DSG1: variants seen among roughly 807,000 people sequenced by gnomAD.
DSG1 encodes desmoglein 1, also known as desmoglein-1.
In DSG1, 39 loss-of-function variants were observed where a neutral mutation model predicts 97.5. The observed-to-expected ratio is 0.40, with a 90% CI of 0.31 to 0.52. The LOEUF is 0.52. Ranked by LOEUF, DSG1 falls within the 20% of genes least tolerant of loss-of-function variation. The pLI, the probability that DSG1 is intolerant of heterozygous loss-of-function variation, is 0.53. For missense variants in DSG1, 1,311 were observed against 1,295.4 expected (o/e 1.01, Z -0.18); for synonymous variants, 475 against 443.4 (o/e 1.07, Z -0.90).
At chr18:31,330,546 C>T (rs2071714091) in intron 5 of DSG1, among the ~76,000 whole-genome samples, 1 of 152,076 alleles carries the variant, frequency 6.6e-6, no homozygotes, top group Non-Finnish European at 1.5e-5. Flanking sequence ...AAATACTGTA[C>T]CTATACTTTC....
intron 3 of DSG1, 123 bp downstream of exon 3, chr18:31,327,128 A>G (rs2071690648): frequency 7.8e-7 from 1 of 1,283,446 alleles, no homozygotes; most frequent in Non-Finnish European, 1.1e-6. Flanking sequence ...ACAGAACTAT[A>G]GTCACCTAGA....
chr18:31,333,831 C>G, intron 7 of DSG1, 108 bp downstream of exon 7: 1 of 1,344,894 alleles, frequency 7.4e-7, no homozygotes, highest in South Asian at 1.2e-5. Flanking sequence ...ACATACAACC[C>G]AAATGTAGAC....
intron 6 of DSG1, 30 bp from the exon 7 acceptor site, chr18:31,333,559 T>G (rs993351359): frequency 6.2e-7 from 1 of 1,613,500 alleles, no homozygotes; most frequent in Non-Finnish European, 8.5e-7. Flanking sequence ...CTACGTCAAG[T>G]GTGATATTGC....
intron 11 of DSG1, among the ~76,000 whole-genome samples, chr18:31,340,713 A>C (rs1180714433): frequency 6.6e-6 from 1 of 152,212 alleles, no homozygotes; most frequent in Non-Finnish European, 1.5e-5. Flanking sequence ...GAGAGTGCAA[A>C]GTACTGCGAT....
chr18:31,337,200 G>C (rs1004457026), intron 9 of DSG1, among the ~76,000 whole-genome samples: 61 of 152,168 alleles, frequency 4.0e-4, no homozygotes, highest in African/African-American at 1.5e-3. Context: ...AGAAGAATGG[G>C]AGAAGCACTT....
At chr18:31,321,421 G>A (rs1233539328) in intron 1 of DSG1, among the ~76,000 whole-genome samples, 2 of 152,146 alleles carry the variant, frequency 1.3e-5, no homozygotes, top group African/African-American at 4.8e-5. Flanking sequence ...ATGTAGTATA[G>A]AGATCAGTGT....
chr18:31,337,994 G>T (rs962143644), intron 9 of DSG1, among the ~76,000 whole-genome samples: 69 of 152,304 alleles, frequency 4.5e-4, no homozygotes, highest in Admixed American at 3.3e-3. Context: ...TGGGTCTTCT[G>T]TAATAGTTCT....
chr18:31,340,467 G>A (rs1221022902), intron 11 of DSG1, among the ~76,000 whole-genome samples: 1 of 151,582 alleles, frequency 6.6e-6, no homozygotes, highest in African/African-American at 2.4e-5. Context: ...AATGATCCGG[G>A]CATGGTGGTA....
Position 31,356,548 on chromosome 18 carries a change from A to G in DSG1, c.*1202A>G, listed in dbSNP as rs1402074144. 6.6e-6 allele frequency: 1 copy of G among 152,218 alleles called. No individual in the cohort carries two copies. Among genetic ancestry groups the G allele is most frequent in the Non-Finnish European group, 1.5e-5 (1 of 68,040 alleles). 9.4% of individuals were successfully genotyped at this position (152,218 alleles called of 1,614,324 possible). ...CTAATTATTCGCTTTTAGTAAGTAA[A>G]GTAGTGGTTGCTTTAGCAAACCTCT... On this transcript the variant is annotated 3_prime_UTR_variant, in exon 15 of 15. Coordinates refer to ENST00000257192, the MANE Select transcript of DSG1 (RefSeq NM_001942.4).
chr18:31,323,976 CT>C (rs1203163479), intron 1 of DSG1, among the ~76,000 whole-genome samples: 11,684 of 94,138 alleles, frequency 0.12, 194 homozygotes, highest in African/African-American at 0.25. Flanking sequence ...TCTCTCCTTC[CT>C]TTTTTTTTTT....
intron 4 of DSG1, 143 bp downstream of exon 4, chr18:31,328,487 CT>C: frequency 1.2e-6 from 1 of 811,588 alleles, no homozygotes. Flanking sequence ...CATCCCACGA[CT>C]GAAAAGAAAT....
At chr18:31,334,688 A>T (rs1214439314) in intron 8 of DSG1, among the ~76,000 whole-genome samples, 1 of 152,174 alleles carries the variant, frequency 6.6e-6, no homozygotes, top group African/African-American at 2.4e-5. Flanking sequence ...ATGTAGAATT[A>T]TCACACTCCC....
Position 31,344,704 on chromosome 18 carries a change from G to GTT in DSG1, c.1891+709_1891+710insTT, listed in dbSNP as rs1228949870. On this transcript the variant is annotated intron_variant, in intron 13 of 14. Coordinates refer to ENST00000257192, the MANE Select transcript of DSG1 (RefSeq NM_001942.4). Reference sequence around the variant, plus strand: ...AGGAATCTAGACCAGTTCACAGGCAGAACCCAGGGAATAATTAGAATTTCA... The same window carrying GTT: ...AGGAATCTAGACCAGTTCACAGGCAGTTAACCCAGGGAATAATTAGAATTTCA... Among the ~76,000 whole-genome samples the GTT allele has an allele frequency of 2.6e-5, 4 of 152,144 alleles. No homozygotes were observed. In the East Asian group the frequency reaches 7.7e-4, roughly 29 times the overall value.
intron 14 of DSG1, among the ~76,000 whole-genome samples, chr18:31,351,973 A>G (rs1263599655): frequency 6.6e-6 from 1 of 150,974 alleles, no homozygotes; most frequent in Admixed American, 6.6e-5. Context: ...ATTTACATTT[A>G]AAGTTAATAT....
chr18:31,355,195 G>A lies in DSG1; in HGVS notation c.2999G>A (p.Gly1000Asp), dbSNP rs1598720411. 3 of 1,602,154 alleles carry A rather than the reference G, an allele frequency of 1.9e-6. 1 individual carries two copies. The highest frequency in any genetic ancestry group is 2.6e-6 in the Non-Finnish European group (3 of 1,172,792). The change falls in exon 15 of 15, where the codon GGC becomes GAC. Residue 1000 changes from glycine (G) to aspartate (D), a missense_variant. Physicochemically the swap from Gly to Asp is moderately conservative, Grantham distance 94. Around this residue, in one of 3 missense-constraint regions of DSG1, gnomAD observed 1,038 missense variants for 964.6 expected, o/e 1.08. Coordinates refer to ENST00000257192, the MANE Select transcript of DSG1 (RefSeq NM_001942.4). Reference protein sequence around the residue: ...ALSGAGISGGGIGLSSLGGTA... With the variant: ...ALSGAGISGGDIGLSSLGGTA... Reference sequence around the variant, plus strand: ...AGTGGAGCTGGCATAAGTGGTGGTGGCATTGGCCTGAGCAGCTTGGGAGGG... The same window carrying A: ...AGTGGAGCTGGCATAAGTGGTGGTGACATTGGCCTGAGCAGCTTGGGAGGG...
chr18:31,320,292 G>GA (rs899675038), intron 1 of DSG1, among the ~76,000 whole-genome samples: 7 of 151,818 alleles, frequency 4.6e-5, no homozygotes, highest in South Asian at 4.1e-4. Context: ...ACCAAAAAAT[G>GA]AAAAAAAATT....
In DSG1 at chr18:31,355,672, G is replaced by T. The variant is rs1179356311; in HGVS notation, c.*326G>T. On this transcript the variant is annotated 3_prime_UTR_variant, in exon 15 of 15. Coordinates refer to ENST00000257192, the MANE Select transcript of DSG1 (RefSeq NM_001942.4). ...GGCATCATTCTCCTTGCTCTGTTTT[G>T]CTTTTCCATATAGCTCGAGCAAAAT... is the stretch of plus-strand genomic sequence containing the variant. The T allele has an allele frequency of 1.8e-5, 6 of 334,494 alleles. No individual in the cohort carries two copies. Among genetic ancestry groups the T allele is most frequent in the Non-Finnish European group, 2.8e-5 (5 of 177,170 alleles). 20.7% of individuals were successfully genotyped at this position (334,494 alleles called of 1,614,324 possible).
chr18:31,357,843 T>C lies in DSG1; in HGVS notation c.*2497T>C, dbSNP rs1314486864. ...CACCTATCTTTCTGGGAAGATACTT[T>C]CCAACTAATTTTTTCTTCCAGGATT... On this transcript the variant is annotated 3_prime_UTR_variant, in exon 15 of 15. Transcript: ENST00000257192. Among the ~76,000 whole-genome samples the C allele has an allele frequency of 6.6e-6, 1 of 152,016 alleles. No individual in the cohort carries two copies. Among genetic ancestry groups the C allele is most frequent in the Non-Finnish European group, 1.5e-5 (1 of 67,888 alleles).
At chr18:31,340,475 G>T (rs950109067) in intron 11 of DSG1, among the ~76,000 whole-genome samples, 1 of 151,636 alleles carries the variant, frequency 6.6e-6, no homozygotes, top group African/African-American at 2.4e-5. Context: ...GGGCATGGTG[G>T]TAGGTGCCTC....
Sources: allele counts gnomAD v4.1 joint callset (sites outside exome capture counted in the v4.1 genomes callset), GRCh38; gene constraint gnomAD v4.1.1; regional missense constraint gnomAD v4.1.1; transcripts MANE v1.5; gene names NCBI Gene and HGNC (gene_info 2026-07-23, HGNC 2026-07-21).